ERBB3: variants seen among roughly 807,000 people sequenced by gnomAD.
ERBB3 encodes receptor tyrosine-protein kinase erbB-3.
In ERBB3, 96 loss-of-function variants were observed where a neutral mutation model predicts 156.7. That is an observed-to-expected ratio of 0.61 (90% CI 0.52 to 0.73). The LOEUF (loss-of-function observed/expected upper bound fraction) is 0.73. Ranked by LOEUF, ERBB3 falls within the 30% of genes least tolerant of loss-of-function variation. The pLI is 0.00. For synonymous variants in ERBB3, 567 were observed against 632.0 expected, an observed-to-expected ratio of 0.90 and a Z score of 1.54; for missense variants, 1,406 against 1,709.4, an observed-to-expected ratio of 0.82 and a Z score of 3.13.
Position 56,093,045 on chromosome 12 carries a change from T to A in ERBB3, c.1243T>A (p.Leu415Met). The change falls in exon 11 of 28, where the codon TTG (leucine) becomes ATG (methionine). Residue 415 changes from leucine to methionine, a missense_variant. Leu to Met is a conservative substitution (Grantham distance 15). Transcript: ENST00000267101. ...HMHNFSVFSN[L>M]TTIGGRSLYN... ...GCACAACTTCAGTGTTTTTTCCAAT[T>A]TGACAACCATTGGAGGCAGAAGCCT... 6.2e-7 allele frequency: 1 copy of A among 1,614,066 alleles called. No individual in the cohort carries two copies. The highest frequency in any genetic ancestry group is 1.3e-5 in the African/African-American group (1 of 75,014).
rs572923795 is a variant in ERBB3 at position 56,093,837 on chromosome 12, G to C, written c.1554G>C (p.Leu518Phe). 2.5e-6 allele frequency: 4 copies of C among 1,613,920 alleles called. No homozygotes were observed. In the South Asian group the frequency reaches 4.4e-5, roughly 18 times the overall value. ...GCWGPGPGQCLSCRNYSRGGV... is the reference protein window; with the variant it reads ...GCWGPGPGQCFSCRNYSRGGV... ...GGGGCCCAGGCCCTGGTCAGTGCTT[G>C]TCCTGTCGAAATTATAGCCGAGGAG... Residue 518 changes from leucine to phenylalanine, a missense_variant, in exon 13 of 28, where the codon TTG (leucine) becomes TTC (phenylalanine). Leu to Phe is a conservative substitution (Grantham distance 22, BLOSUM62 0). Coordinates refer to ENST00000267101, the MANE Select transcript of ERBB3 (RefSeq NM_001982.4).
intron 20 of ERBB3, 105 bp from the exon 21 acceptor site, chr12:56,097,680 G>A: frequency 1.6e-6 from 2 of 1,215,514 alleles, no homozygotes; most frequent in South Asian, 1.2e-5. Flanking sequence ...GCCAAAAAAG[G>A]TTGGGGACCA....
In ERBB3 at chr12:56,102,821, A is replaced by AAAC. The variant is rs2136833307; in HGVS notation, c.*768_*769insCAA. ...CCCATCTCTTTAAAAAAAAAAAAAA[A>AAAC]AAAAAAAAAAAAACTTTAGAACTGG... On this transcript the variant is annotated 3_prime_UTR_variant, in exon 28 of 28. Coordinates refer to ENST00000267101, the MANE Select transcript of ERBB3 (RefSeq NM_001982.4). 9.3e-6 allele frequency: 2 copies of AAAC among 214,738 alleles called. No individual in the cohort carries two copies. The highest frequency in any genetic ancestry group is 1.4e-4 in the East Asian group (2 of 14,802). The allele number at this position is 214,738 out of a possible 1,614,324, so 13.3% of individuals were successfully genotyped here. A position where few individuals can be genotyped will look rare whatever the true frequency, so the allele number is the denominator to read the frequency against.
intron 27 of ERBB3, 53 bp downstream of exon 27, chr12:56,101,414 G>A (rs1007064075): frequency 7.8e-5 from 125 of 1,603,892 alleles, no homozygotes; most frequent in African/African-American, 1.1e-4. Context: ...TTCTTTCCCC[G>A]GGCTCCTCTT....
intron 1 of ERBB3, 83 bp from the exon 2 acceptor site, chr12:56,083,668 C>A (rs1868386228): frequency 3.2e-6 from 5 of 1,541,004 alleles, no homozygotes; most frequent in Admixed American, 3.3e-5. Flanking sequence ...AAGAGGGCAA[C>A]CAAGGGGGTG....
intron 20 of ERBB3, 50 bp from the exon 21 acceptor site, chr12:56,097,735 G>C: frequency 1.3e-6 from 2 of 1,577,166 alleles, no homozygotes; most frequent in Non-Finnish European, 1.7e-6. Context: ...CCAGATCTCA[G>C]TGACTGATTC....
In ERBB3 at chr12:56,096,616, G is replaced by T. The variant is rs1035497922; in HGVS notation, c.2169G>T (p.Val723=). Residue 723 remains valine, a synonymous_variant, in exon 18 of 28, where the codon GTG becomes GTT. Coordinates refer to ENST00000267101, the MANE Select transcript of ERBB3 (RefSeq NM_001982.4). ...KVLGSGVFGT[V]HKGVWIPEGE... ...TTGGCTCGGGTGTCTTTGGAACTGT[G>T]CACAAAGTGAGTGACCCATAGGAAT... 1.2e-6 allele frequency: 2 copies of T among 1,614,068 alleles called. No individual in the cohort carries two copies. The highest frequency in any genetic ancestry group is 1.3e-5 in the African/African-American group (1 of 74,914).
chr12:56,093,911 G>A lies in ERBB3; in HGVS notation c.1613+15G>A. On this transcript the variant is annotated intron_variant, in intron 13 of 27. Transcript: ENST00000267101. ...TTTCTGAATGGGTACAGTAAGGGGA[G>A]CCAGTCAAGGATGGGTGGGGGTGGG... is the stretch of plus-strand genomic sequence containing the variant. 6.2e-7 allele frequency: 1 copy of A among 1,613,884 alleles called. No individual in the cohort carries two copies. The highest frequency in any genetic ancestry group is 2.2e-5 in the East Asian group (1 of 44,860).
chr12:56,088,997 G>C (rs1170965900), intron 9 of ERBB3, 129 bp downstream of exon 9: 1 of 1,266,206 alleles, frequency 7.9e-7, no homozygotes, highest in South Asian at 1.2e-5. Flanking sequence ...CTGTTACAAA[G>C]GACCTGAAAG....
chr12:56,090,742 T>C (rs1185504500), intron 9 of ERBB3, among the ~76,000 whole-genome samples: 1 of 152,184 alleles, frequency 6.6e-6, no homozygotes, highest in East Asian at 1.9e-4. Flanking sequence ...ATTGTTTTTC[T>C]GGACCACGTG....
chr12:56,100,217 AC>A lies in ERBB3; in HGVS notation c.3175del (p.Gln1059ArgfsTer43). The part of the protein sequence containing the change: ...LSPSSGYMPM[N>X]QGNLGESCQE... ...CCATCATCTGGATACATGCCCATGA[AC>A]CAGGGTAATCTTGGGGAGTCTTGCC... is the stretch of plus-strand genomic sequence containing the variant. On this transcript the variant is annotated frameshift_variant, in exon 26 of 28. Coordinates refer to ENST00000267101, the MANE Select transcript of ERBB3 (RefSeq NM_001982.4). LOFTEE classifies it high-confidence loss of function. The A allele has an allele frequency of 6.2e-7, 1 of 1,614,100 alleles. No homozygotes were observed. Among genetic ancestry groups the A allele is most frequent in the Non-Finnish European group, 8.5e-7 (1 of 1,179,952 alleles).
rs1327568207 is a variant in ERBB3, at chr12:56,084,998, A to G, written c.238A>G (p.Ile80Val). The G allele has an allele frequency of 1.9e-6, 3 of 1,613,624 alleles. No individual in the cohort carries two copies. Among genetic ancestry groups the G allele is most frequent in the South Asian group, 2.2e-5 (2 of 91,082 alleles). Residue 80 changes from isoleucine to valine, a missense_variant, in exon 3 of 28, where the codon ATT becomes GTT. Ile to Val is a conservative substitution (Grantham distance 29). Transcript: ENST00000267101. Reference sequence around the variant, plus strand: ...TACATAATCTGCTCTGTCACAGTGGATTCGAGAAGTGACAGGCTATGTCCT... The same window carrying G: ...TACATAATCTGCTCTGTCACAGTGGGTTCGAGAAGTGACAGGCTATGTCCT... ...HNADLSFLQWIREVTGYVLVA... is the reference protein window; with the variant it reads ...HNADLSFLQWVREVTGYVLVA...
rs2136832824 is a variant in ERBB3, at chr12:56,102,619, CACTT to C, written c.*566_*569del. On this transcript the variant is annotated 3_prime_UTR_variant, in exon 28 of 28. Transcript: ENST00000267101. ...ATACTAAACTTCACCTACATTATCT[CACTT>C]AGTCCTTTATCATCCTTAAAACAAT... 1 of 233,868 alleles carries C rather than the reference CACTT, an allele frequency of 4.3e-6. No individual in the cohort carries two copies. Among genetic ancestry groups the C allele is most frequent in the African/African-American group, 2.2e-5 (1 of 45,352 alleles). The allele number at this position is 233,868 out of a possible 1,614,324, so 14.5% of individuals were successfully genotyped here.
At chr12:56,092,089 A>T (rs1298765569) in intron 9 of ERBB3, among the ~76,000 whole-genome samples, 2 of 124,304 alleles carry the variant, frequency 1.6e-5, no homozygotes, top group African/African-American at 6.5e-5. Flanking sequence ...CCTGTCTCTT[A>T]AAAAAAAAAA....
rs761253211 is a variant in ERBB3, at chr12:56,088,652, CAA to C, written c.986_987del (p.Lys329SerfsTer3). 1 of 1,613,900 alleles carries C rather than the reference CAA, an allele frequency of 6.2e-7. No individual in the cohort carries two copies. The highest frequency in any genetic ancestry group is 1.7e-5 in the Admixed American group (1 of 60,004). On this transcript the variant is annotated frameshift_variant and splice_region_variant, in exon 8 of 28. Coordinates refer to ENST00000267101, the MANE Select transcript of ERBB3 (RefSeq NM_001982.4). LOFTEE classifies it high-confidence loss of function. ...MCEPCGGLCP[K>X]ACEGTGSGSR... ...GTGAGCCTTGTGGGGGACTATGTCC[CAA>C]AGGTGGGTAGGAGATGGTAAGAAGT...
intron 1 of ERBB3, among the ~76,000 whole-genome samples, chr12:56,081,145 C>G (rs1868348659): frequency 6.6e-6 from 1 of 152,230 alleles, no homozygotes; most frequent in African/African-American, 2.4e-5. Flanking sequence ...CTCTCCCCAA[C>G]CTGAGGATCA....
chr12:56,091,281 T>TAA (rs1565858479), intron 9 of ERBB3, among the ~76,000 whole-genome samples: 3 of 49,070 alleles, frequency 6.1e-5, no homozygotes, highest in East Asian at 7.7e-4. Context: ...TATATATATA[T>TAA]ATATATATAT....
chr12:56,085,046 A>G lies in ERBB3; in HGVS notation c.286A>G (p.Thr96Ala), dbSNP rs200856864. The G allele has an allele frequency of 5.0e-6, 8 of 1,613,916 alleles. No individual in the cohort carries two copies. In the African/African-American group the frequency reaches 1.1e-4, roughly 22 times the overall value. The change falls in exon 3 of 28, where the codon ACT becomes GCT. Residue 96 changes from threonine (T) to alanine (A), a missense_variant. Coordinates refer to ENST00000267101, the MANE Select transcript of ERBB3 (RefSeq NM_001982.4). ...CCTCGTGGCCATGAATGAATTCTCT[A>G]CTCTACCATTGCCCAACCTCCGCGT... ...YVLVAMNEFS[T>A]LPLPNLRVVR... is the part of the protein sequence containing the mutation.
rs982110289 is a variant in ERBB3, at chr12:56,093,093, G to A, written c.1274+17G>A. The A allele has an allele frequency of 6.4e-7, 1 of 1,571,256 alleles. No individual in the cohort carries two copies. Among genetic ancestry groups the A allele is most frequent in the Non-Finnish European group, 8.8e-7 (1 of 1,140,834 alleles). ...CCTCTACAAGTGAGTAAAGGGTATG[G>A]AGGAAATGGCATCTTCAGGCAATGA... On this transcript the variant is annotated intron_variant, in intron 11 of 27. Coordinates refer to ENST00000267101, the MANE Select transcript of ERBB3 (RefSeq NM_001982.4).
Sources: allele counts gnomAD v4.1 joint callset (sites outside exome capture counted in the v4.1 genomes callset), GRCh38; gene constraint gnomAD v4.1.1; transcripts MANE v1.5; gene names NCBI Gene and HGNC (gene_info 2026-07-23, HGNC 2026-07-21).